Variants in APBA2 observed in about 807,000 individuals in gnomAD.
APBA2 encodes amyloid-beta A4 precursor protein-binding family A member 2.
In APBA2, 30 loss-of-function variants were observed where a neutral mutation model predicts 75.0. That is an observed-to-expected ratio of 0.40 (90% CI 0.30 to 0.54). The LOEUF is 0.54. Ranked by LOEUF, APBA2 falls within the 20% of genes least tolerant of loss-of-function variation. The pLI, the probability that APBA2 is intolerant of heterozygous loss-of-function variation, is 0.49. For synonymous variants in APBA2, 444 were observed against 409.6 expected (o/e 1.08, Z -1.01); for missense variants, 801 against 1,016.1 (o/e 0.79, Z 2.88).
rs554810394 is a variant in APBA2, at chr15:28,900,921, TGCCCTGCCCCTGGCTGGG to T, written c.-205+14646_-205+14663del. Reference sequence around the variant, plus strand: ...CCTTGTCCACATGCATGCGGCCCACTGCCCTGCCCCTGGCTGGGGCTGACCCCTGGATCCCAGCACCTG... The same window carrying T: ...CCTTGTCCACATGCATGCGGCCCACTGCTGACCCCTGGATCCCAGCACCTG... On this transcript the variant is annotated intron_variant, in intron 1 of 14. Coordinates refer to ENST00000683413, the MANE Select transcript of APBA2 (RefSeq NM_001353788.2). Among the ~76,000 whole-genome samples, 34 of 152,332 alleles carry T rather than the reference TGCCCTGCCCCTGGCTGGG, an allele frequency of 2.2e-4. 1 individual carries two copies. In the South Asian group the frequency reaches 6.8e-3, roughly 31 times the overall value.
At position 29,117,173 on chromosome 15, in the gene APBA2, G is replaced by A; in HGVS notation, c.*40G>A. 6.3e-7 allele frequency: 1 copy of A among 1,595,462 alleles called. No individual in the cohort carries two copies. The highest frequency in any genetic ancestry group is 8.6e-7 in the Non-Finnish European group (1 of 1,164,544). ...GCCACGCAGCCAGGACACCGGGCAGGGCCGCCCGGGCCCAGAGGAGCTGGG... is the reference window on the plus strand; with the variant it reads ...GCCACGCAGCCAGGACACCGGGCAGAGCCGCCCGGGCCCAGAGGAGCTGGG... On this transcript the variant is annotated 3_prime_UTR_variant, in exon 15 of 15. Transcript: ENST00000683413.
chr15:29,055,932 T>C (rs1185861537), intron 4 of APBA2, among the ~76,000 whole-genome samples: 1 of 152,116 alleles, frequency 6.6e-6, no homozygotes, highest in African/African-American at 2.4e-5. Flanking sequence ...TACTAGTGGG[T>C]GTTGGGAGAG....
At chr15:28,942,669 A>C (rs1432371629) in intron 2 of APBA2, among the ~76,000 whole-genome samples, 1 of 152,150 alleles carries the variant, frequency 6.6e-6, no homozygotes, top group Non-Finnish European at 1.5e-5. Context: ...TCTTGCAACC[A>C]TCAGACCCAG....
chr15:29,068,159 T>C (rs2042457490), intron 4 of APBA2, among the ~76,000 whole-genome samples: 1 of 152,212 alleles, frequency 6.6e-6, no homozygotes, highest in Non-Finnish European at 1.5e-5. Flanking sequence ...TCAAGCCTTC[T>C]GGGAGAACTG....
intron 5 of APBA2, 41 bp downstream of exon 5, chr15:29,075,042 C>A: frequency 7.0e-7 from 1 of 1,437,640 alleles, no homozygotes; most frequent in Non-Finnish European, 9.7e-7. Context: ...CTGGAACACT[C>A]ATCTAATGAT....
intron 8 of APBA2, among the ~76,000 whole-genome samples, chr15:29,096,392 A>G (rs2043852673): frequency 6.6e-6 from 1 of 152,174 alleles, no homozygotes; most frequent in Admixed American, 6.5e-5. Flanking sequence ...GGTTTCCTCC[A>G]CAATTGTCAC....
chr15:28,939,575 C>T (rs555530378), intron 2 of APBA2, among the ~76,000 whole-genome samples: 2 of 152,274 alleles, frequency 1.3e-5, no homozygotes, highest in Admixed American at 6.5e-5. Context: ...TTAAATGGTA[C>T]TATCCCAACA....
At position 29,046,209 on chromosome 15, in the gene APBA2, A is replaced by G. The variant is rs2041320804; in HGVS notation, c.-40-7636A>G. 1.3e-5 allele frequency among the ~76,000 whole-genome samples: 2 copies of G among 152,256 alleles called. No individual in the cohort carries two copies. On this transcript the variant is annotated intron_variant, in intron 3 of 14. Coordinates refer to ENST00000683413, the MANE Select transcript of APBA2 (RefSeq NM_001353788.2). The surrounding 1 kb of genome is among the most constrained non-coding windows in gnomAD (Gnocchi z 5.0). ...CAATGTGTTAGTTCCTTGCAGGAAT[A>G]TGCTTTTAGTGAACTCAATGAGATA...
intron 3 of APBA2, among the ~76,000 whole-genome samples, chr15:29,029,260 G>C (rs527636204): frequency 1.4e-4 from 22 of 152,056 alleles, no homozygotes; most frequent in African/African-American, 4.8e-4. Flanking sequence ...CTTACAAACA[G>C]GGAATCCTTT....
intron 3 of APBA2, among the ~76,000 whole-genome samples, chr15:29,037,025 A>C (rs1420540299): frequency 2.0e-5 from 3 of 152,112 alleles, no homozygotes; most frequent in Non-Finnish European, 4.4e-5. Context: ...GTCTCCAAAA[A>C]AAAAAAGAGA....
intron 3 of APBA2, among the ~76,000 whole-genome samples, chr15:29,030,892 TATTA>T (rs2040457797): frequency 6.6e-6 from 1 of 152,222 alleles, no homozygotes; most frequent in South Asian, 2.1e-4. Flanking sequence ...TGAATGTGGC[TATTA>T]ATTTCACCTT....
At chr15:28,903,096 C>T (rs141670887) in intron 1 of APBA2, among the ~76,000 whole-genome samples, 2 of 152,278 alleles carry the variant, frequency 1.3e-5, no homozygotes, top group Non-Finnish European at 2.9e-5. Flanking sequence ...GCCCAGTTCA[C>T]TTTCTGTGGT....
intron 4 of APBA2, among the ~76,000 whole-genome samples, chr15:29,064,466 C>A (rs2042288651): frequency 6.6e-6 from 1 of 152,170 alleles, no homozygotes. Context: ...ATGAGACTCT[C>A]CCCGCCCCCA....
chr15:28,973,323 TTTGA>T (rs997086978), intron 2 of APBA2, among the ~76,000 whole-genome samples: 14 of 152,222 alleles, frequency 9.2e-5, no homozygotes, highest in African/African-American at 1.7e-4. Flanking sequence ...GATATTTTTG[TTTGA>T]TTGGTGCAAC....
intron 2 of APBA2, among the ~76,000 whole-genome samples, chr15:28,925,848 A>C (rs2034230519): frequency 6.6e-6 from 1 of 152,102 alleles, no homozygotes; most frequent in Non-Finnish European, 1.5e-5. Context: ...CATATATTTC[A>C]ATTATCTGTT....
intron 3 of APBA2, among the ~76,000 whole-genome samples, chr15:29,013,674 G>A (rs2039517335): frequency 6.6e-6 from 1 of 152,190 alleles, no homozygotes; most frequent in Admixed American, 6.5e-5. Context: ...TTAAGGTAAG[G>A]AAATAAATAA....
At chr15:29,083,338 C>A (rs1283387925) in intron 6 of APBA2, among the ~76,000 whole-genome samples, 2 of 152,054 alleles carry the variant, frequency 1.3e-5, no homozygotes. Flanking sequence ...CAGGGACGGT[C>A]CATTCAGGTT....
chr15:29,113,154 C>G lies in APBA2; in HGVS notation c.2038-722C>G, dbSNP rs115362902. On this transcript the variant is annotated intron_variant, in intron 13 of 14. Transcript: ENST00000683413. ...CTGCTGCTGTGAACACGGGTGTGCACGGCGCCTGTTTTCCATTCTGTCCAG... is the reference window on the plus strand; with the variant it reads ...CTGCTGCTGTGAACACGGGTGTGCAGGGCGCCTGTTTTCCATTCTGTCCAG... Among the ~76,000 whole-genome samples the G allele has an allele frequency of 6.8e-3, 1,040 of 152,168 alleles. 9 individuals carry two copies. Among genetic ancestry groups the G allele is most frequent in the African/African-American group, 0.024 (1,004 of 41,524 alleles).
intron 4 of APBA2, among the ~76,000 whole-genome samples, chr15:29,058,211 T>TA (rs2041986790): frequency 6.6e-6 from 1 of 152,086 alleles, no homozygotes; most frequent in African/African-American, 2.4e-5. Context: ...GTCTGGTCGA[T>TA]ACGAAAAATG....
Sources: allele counts gnomAD v4.1 joint callset (sites outside exome capture counted in the v4.1 genomes callset), GRCh38; gene constraint gnomAD v4.1.1; non-coding constraint Gnocchi (gnomAD v3.1); transcripts MANE v1.5; gene names NCBI Gene and HGNC (gene_info 2026-07-23, HGNC 2026-07-21).